KLF8: variants seen among roughly 807,000 people sequenced by gnomAD.
The protein encoded by KLF8 is KLF transcription factor 8, also known as Krueppel-like factor 8.
In KLF8, 10 loss-of-function variants were observed where a neutral mutation model predicts 18.2. The observed-to-expected ratio is 0.55, with a 90% CI of 0.34 to 0.93. The LOEUF (loss-of-function observed/expected upper bound fraction) is 0.93, where lower values mean the gene tolerates loss of function less well. KLF8 is among the 40% of genes least tolerant of loss of function. The pLI, the probability that KLF8 is intolerant of heterozygous loss-of-function variation, is 0.02. For missense variants in KLF8, 264 were observed against 277.9 expected, an observed-to-expected ratio of 0.95 and a Z score of 0.36; for synonymous variants, 109 against 97.3, an observed-to-expected ratio of 1.12 and a Z score of -0.71.
intron 1 of KLF8, among the ~76,000 whole-genome samples, chrX:56,238,600 A>G (rs1225989338): frequency 9.0e-6 from 1 of 111,731 alleles, no homozygotes; most frequent in Non-Finnish European, 1.9e-5. Context: ...CCTTTAAAAC[A>G]GTACTTGTAT....
At chrX:56,096,257 A>G in the KLF8 span, among the ~76,000 whole-genome samples, 28 of 111,259 alleles carry the variant, frequency 2.5e-4, no homozygotes, top group African/African-American at 9.1e-4. Flanking sequence ...TGCATCTAGC[A>G]TAAAGAGTGG....
the KLF8 span, among the ~76,000 whole-genome samples, chrX:56,035,049 C>T: frequency 9.0e-6 from 1 of 111,396 alleles, no homozygotes; most frequent in South Asian, 3.7e-4. Flanking sequence ...GCCACAGCGC[C>T]CGGCCGAACT....
the KLF8 span, among the ~76,000 whole-genome samples, chrX:56,058,279 CATATATATATATATATATATATATATAT>C: frequency 4.7e-3 from 34 of 7,306 alleles, no homozygotes; most frequent in South Asian, 0.06. Context: ...CATATATATA[CATATATATATATATATATATATATATAT>C]ATATATATAT....
chrX:56,051,701 AT>A, the KLF8 span, among the ~76,000 whole-genome samples: 4 of 108,307 alleles, frequency 3.7e-5, no homozygotes, highest in Admixed American at 3.9e-4. Flanking sequence ...TGCCCTTAAC[AT>A]TTTTTCCTTC....
At chrX:56,068,968 T>C in the KLF8 span, among the ~76,000 whole-genome samples, 1 of 111,988 alleles carries the variant, frequency 8.9e-6, no homozygotes, top group East Asian at 2.8e-4. Context: ...TGGTCAGCCA[T>C]GCACATGACA....
chrX:56,095,199 C>A, the KLF8 span, among the ~76,000 whole-genome samples: 1 of 111,509 alleles, frequency 9.0e-6, no homozygotes, highest in Non-Finnish European at 1.9e-5. Context: ...TTTCACAAAG[C>A]CAACAAAAAT....
chrX:56,110,740 C>A, the KLF8 span, among the ~76,000 whole-genome samples: 1 of 111,612 alleles, frequency 9.0e-6, no homozygotes, highest in Admixed American at 9.5e-5. Context: ...GTATGGCTTA[C>A]TTCTTTATGT....
At chrX:56,190,043 A>T in the KLF8 span, among the ~76,000 whole-genome samples, 1 of 110,584 alleles carries the variant, frequency 9.0e-6, no homozygotes, top group Non-Finnish European at 1.9e-5. Context: ...AAAAAAATAA[A>T]AAAATAAAAA....
At chrX:56,106,856 T>C in the KLF8 span, among the ~76,000 whole-genome samples, 1 of 112,497 alleles carries the variant, frequency 8.9e-6, no homozygotes, top group Non-Finnish European at 1.9e-5. Context: ...CAGTTTTATC[T>C]ACCTTTGGTC....
the KLF8 span, among the ~76,000 whole-genome samples, chrX:56,130,570 C>T: frequency 9.0e-6 from 1 of 111,196 alleles, no homozygotes; most frequent in African/African-American, 3.3e-5. Flanking sequence ...AAAAACAATT[C>T]TGGTAATATG....
At chrX:55,963,969 A>C in the KLF8 span, among the ~76,000 whole-genome samples, 1 of 112,024 alleles carries the variant, frequency 8.9e-6, no homozygotes, top group African/African-American at 3.2e-5. Context: ...TACAAAGAAG[A>C]TCTCTCAAAA....
At chrX:56,027,048 G>T in the KLF8 span, among the ~76,000 whole-genome samples, 1 of 112,807 alleles carries the variant, frequency 8.9e-6, no homozygotes, top group Admixed American at 9.3e-5. Flanking sequence ...CTTTTCAAGT[G>T]ACTCTTGACC....
chrX:56,248,780 G>T (rs183848234), intron 1 of KLF8, among the ~76,000 whole-genome samples: 1 of 111,332 alleles, frequency 9.0e-6, no homozygotes, highest in East Asian at 2.8e-4. Flanking sequence ...AAAAAGCTTA[G>T]CTACCCTCTC....
At chrX:55,979,089 CG>C in the KLF8 span, among the ~76,000 whole-genome samples, 3 of 107,544 alleles carry the variant, frequency 2.8e-5, no homozygotes, top group East Asian at 2.9e-4. Flanking sequence ...GCATATAGGG[CG>C]AGAGAGAGAG....
the KLF8 span, among the ~76,000 whole-genome samples, chrX:56,167,926 A>G: frequency 3.6e-5 from 4 of 111,713 alleles, no homozygotes; most frequent in South Asian, 1.5e-3. Context: ...TCCATCCCAT[A>G]TTCAGATATT....
the KLF8 span, among the ~76,000 whole-genome samples, chrX:55,913,454 C>A: frequency 9.0e-6 from 1 of 110,563 alleles, no homozygotes; most frequent in Non-Finnish European, 1.9e-5. Flanking sequence ...AAGTGGGCCC[C>A]AATTCAATAT....
At chrX:56,042,117 G>A in the KLF8 span, among the ~76,000 whole-genome samples, 1 of 111,730 alleles carries the variant, frequency 9.0e-6, no homozygotes, top group African/African-American at 3.3e-5. Flanking sequence ...CTGATTTCTG[G>A]CTTAATTTTC....
chrX:56,214,534 G>A, the KLF8 span, among the ~76,000 whole-genome samples: 1 of 112,105 alleles, frequency 8.9e-6, no homozygotes. Context: ...AGGTGATGAG[G>A]GTGGATGAAT....
chrX:55,988,357 C>T, the KLF8 span, among the ~76,000 whole-genome samples: 2 of 111,479 alleles, frequency 1.8e-5, no homozygotes, highest in African/African-American at 6.5e-5. Context: ...AGTCTTTAAT[C>T]CATCTTGAAT....
Sources: gnomAD v4.1 joint callset for allele counts (sites outside exome capture counted in the v4.1 genomes callset) on GRCh38, gnomAD v4.1.1 for gene constraint, MANE v1.5 for transcripts, NCBI Gene and HGNC (gene_info 2026-07-23, HGNC 2026-07-21) for gene names.